MIS18A: variants seen among roughly 807,000 people sequenced by gnomAD.
MIS18A encodes the protein protein Mis18-alpha.
In MIS18A, 14 loss-of-function variants were observed where a neutral mutation model predicts 25.0. The ratio of observed to expected loss-of-function variants is 0.56; its 90% CI spans 0.37 to 0.88. The LOEUF is 0.88. MIS18A is among the 40% of genes least tolerant of loss of function. The pLI, the probability that MIS18A is intolerant of heterozygous loss-of-function variation, is 0.00. For missense variants in MIS18A, 292 were observed against 290.8 expected, an observed-to-expected ratio of 1.00 and a Z score of -0.03; for synonymous variants, 134 against 118.6, an observed-to-expected ratio of 1.13 and a Z score of -0.84.
At chr21:32,213,819 C>T in the MIS18A span, among the ~76,000 whole-genome samples, 5,427 of 152,208 alleles carry the variant, frequency 0.036, 337 homozygotes, top group African/African-American at 0.12. Flanking sequence ...TGGCTTGTGG[C>T]CACATCACCC....
chr21:32,194,435 G>A, the MIS18A span, among the ~76,000 whole-genome samples: 1 of 152,124 alleles, frequency 6.6e-6, no homozygotes, highest in Admixed American at 6.5e-5. Flanking sequence ...TGAGTGGGGC[G>A]GATTACCTGA....
chr21:32,211,852 G>A, the MIS18A span, among the ~76,000 whole-genome samples: 1 of 152,166 alleles, frequency 6.6e-6, no homozygotes, highest in Non-Finnish European at 1.5e-5. Flanking sequence ...GTTCCCATCT[G>A]CATTGAGAGA....
At chr21:32,273,206 A>G (rs1318624946) in intron 2 of MIS18A, among the ~76,000 whole-genome samples, 4 of 150,992 alleles carry the variant, frequency 2.6e-5, no homozygotes, top group Non-Finnish European at 5.9e-5. Context: ...TTCTAGGTAC[A>G]CCACCCTCCC....
the MIS18A span, among the ~76,000 whole-genome samples, chr21:32,234,364 T>C: frequency 2.0e-5 from 3 of 152,224 alleles, no homozygotes; most frequent in South Asian, 6.2e-4. Context: ...TCCCATGAGC[T>C]CCCTCAATGT....
chr21:32,209,703 C>T, the MIS18A span, among the ~76,000 whole-genome samples: 3 of 152,090 alleles, frequency 2.0e-5, no homozygotes, highest in African/African-American at 4.8e-5. Flanking sequence ...ATCATGGGGG[C>T]GGTTACCCTA....
At chr21:32,248,427 C>T in the MIS18A span, among the ~76,000 whole-genome samples, 62 of 152,202 alleles carry the variant, frequency 4.1e-4, no homozygotes, top group African/African-American at 1.5e-3. Flanking sequence ...TTCCTTATCC[C>T]CCTGAGCGCT....
At chr21:32,163,793 GA>G in the MIS18A span, among the ~76,000 whole-genome samples, 1 of 152,168 alleles carries the variant, frequency 6.6e-6, no homozygotes, top group Non-Finnish European at 1.5e-5. Flanking sequence ...AGGTCTAAAG[GA>G]GGCAGTTTTT....
chr21:32,201,736 C>T, the MIS18A span, among the ~76,000 whole-genome samples: 1 of 152,030 alleles, frequency 6.6e-6, no homozygotes, highest in Non-Finnish European at 1.5e-5. Context: ...TCACTTGAGC[C>T]TAGGAGTTCA....
chr21:32,233,415 G>T, the MIS18A span, among the ~76,000 whole-genome samples: 1 of 152,112 alleles, frequency 6.6e-6, no homozygotes, highest in East Asian at 1.9e-4. Flanking sequence ...TTGCCATTTT[G>T]TTGATAGGAA....
At chr21:32,262,869 T>C in the MIS18A span, among the ~76,000 whole-genome samples, 1 of 152,124 alleles carries the variant, frequency 6.6e-6, no homozygotes, top group South Asian at 2.1e-4. Flanking sequence ...GCACATCCAT[T>C]CCTCATCCCA....
chr21:32,201,659 T>C, the MIS18A span, among the ~76,000 whole-genome samples: 2 of 151,916 alleles, frequency 1.3e-5, no homozygotes, highest in Non-Finnish European at 2.9e-5. Context: ...TGTTTCTACA[T>C]AAAATTTAAA....
chr21:32,158,046 C>A, the MIS18A span, among the ~76,000 whole-genome samples: 1 of 152,122 alleles, frequency 6.6e-6, no homozygotes, highest in Non-Finnish European at 1.5e-5. Flanking sequence ...TAAGCATTTA[C>A]AATTTTTTAA....
At chr21:32,197,422 C>T in the MIS18A span, among the ~76,000 whole-genome samples, 1 of 152,164 alleles carries the variant, frequency 6.6e-6, no homozygotes, top group African/African-American at 2.4e-5. Flanking sequence ...TGAATCTCCG[C>T]ATCTGACCAC....
the MIS18A span, among the ~76,000 whole-genome samples, chr21:32,182,475 G>A: frequency 1.4e-4 from 22 of 152,170 alleles, no homozygotes; most frequent in African/African-American, 4.6e-4. Flanking sequence ...AAAACTGTAC[G>A]GAAAGCAGGT....
At chr21:32,212,609 T>C in the MIS18A span, among the ~76,000 whole-genome samples, 2 of 152,026 alleles carry the variant, frequency 1.3e-5, no homozygotes, top group East Asian at 3.9e-4. Flanking sequence ...GTTTCAAGAG[T>C]GCATCAGGTC....
At chr21:32,214,195 T>C in the MIS18A span, among the ~76,000 whole-genome samples, 9 of 152,100 alleles carry the variant, frequency 5.9e-5, no homozygotes, top group East Asian at 1.7e-3. Context: ...CTGAGGAACA[T>C]AGCTATCAGG....
chr21:32,161,257 G>C, the MIS18A span, among the ~76,000 whole-genome samples: 1 of 152,082 alleles, frequency 6.6e-6, no homozygotes, highest in Non-Finnish European at 1.5e-5. Context: ...TCATTGTTGT[G>C]TCTCCTTTGT....
chr21:32,252,203 G>GAGAAGA, the MIS18A span, among the ~76,000 whole-genome samples: 156 of 119,262 alleles, frequency 1.3e-3, 1 homozygote, highest in South Asian at 3.1e-3. Flanking sequence ...GGAAGAGGAG[G>GAGAAGA]AGAAGAAGAA....
the MIS18A span, among the ~76,000 whole-genome samples, chr21:32,200,379 T>C: frequency 6.6e-6 from 1 of 152,088 alleles, no homozygotes; most frequent in Non-Finnish European, 1.5e-5. Flanking sequence ...AAGCTCTCAC[T>C]AGCTTCTGAA....
Sources: gnomAD v4.1 joint callset for allele counts (sites outside exome capture counted in the v4.1 genomes callset) on GRCh38, gnomAD v4.1.1 for gene constraint, MANE v1.5 for transcripts, NCBI Gene and HGNC (gene_info 2026-07-23, HGNC 2026-07-21) for gene names.